Variants in THRAP3 observed in about 807,000 individuals in gnomAD.
The protein encoded by THRAP3 is thyroid hormone receptor-associated protein 3.
A neutral mutation model predicts 101.0 loss-of-function variants in THRAP3; 16 were observed. The observed-to-expected ratio is 0.16, with a 90% CI of 0.11 to 0.24. The LOEUF (loss-of-function observed/expected upper bound fraction) is 0.24. Among genes scored for constraint, THRAP3 ranks in the 10% least tolerant of loss-of-function variants. The pLI, the probability that THRAP3 is intolerant of heterozygous loss-of-function variation, is 1.00. For synonymous variants in THRAP3, 407 were observed against 422.6 expected (o/e 0.96, Z 0.45); for missense variants, 989 against 1,202.7 (o/e 0.82, Z 2.63).
At position 36,286,913 on chromosome 1, in the gene THRAP3, A is replaced by C. The variant is rs768277101; in HGVS notation, c.683A>C (p.Tyr228Ser). Reference protein sequence around the residue: ...ESSKPWPDATYGTGSASRASA... With the variant: ...ESSKPWPDATSGTGSASRASA... The stretch of plus-strand genomic sequence containing the variant: ...TCGAAGCCATGGCCAGATGCCACCT[A>C]CGGCACTGGTTCTGCATCACGGGCC... The change falls in exon 4 of 12, where the codon TAC becomes TCC. Residue 228 changes from tyrosine (Y) to serine (S), a missense_variant. Tyr to Ser is a moderately radical substitution (Grantham distance 144). Transcript: ENST00000354618. This position sits in a 1 kb window ranked among gnomAD's most constrained non-coding sequence, Gnocchi z 5.5. The C allele has an allele frequency of 3.1e-6, 5 of 1,614,178 alleles. No individual in the cohort carries two copies. The South Asian group carries it at 5.5e-5, about 18-fold the overall frequency.
At chr1:36,244,338 T>C (rs1645205575) in intron 1 of THRAP3, among the ~76,000 whole-genome samples, 1 of 152,164 alleles carries the variant, frequency 6.6e-6, no homozygotes, top group Non-Finnish European at 1.5e-5. Context: ...TTCTGAACTC[T>C]GTGTCAAATC....
At chr1:36,270,531 T>C (rs917667553) in intron 2 of THRAP3, among the ~76,000 whole-genome samples, 3 of 151,456 alleles carry the variant, frequency 2.0e-5, no homozygotes, top group African/African-American at 7.3e-5. Flanking sequence ...AAAATGGACA[T>C]GGACTCTAAA....
At chr1:36,210,726 T>C in the THRAP3 span, among the ~76,000 whole-genome samples, 21 of 1,850 alleles carry the variant, frequency 0.011, 4 homozygotes, top group African/African-American at 0.021. Flanking sequence ...TATATATATA[T>C]ATATATATAT....
intron 1 of THRAP3, among the ~76,000 whole-genome samples, chr1:36,228,038 G>A (rs1466009627): frequency 6.9e-6 from 1 of 145,142 alleles, no homozygotes; most frequent in Non-Finnish European, 1.5e-5. Flanking sequence ...ACCACACGTG[G>A]CCTCTTTTTT....
intron 1 of THRAP3, among the ~76,000 whole-genome samples, chr1:36,235,547 A>C (rs541865667): frequency 1.3e-5 from 2 of 152,296 alleles, no homozygotes; most frequent in African/African-American, 4.8e-5. Flanking sequence ...AAAACCAGAG[A>C]GATACAGATG....
intron 1 of THRAP3, among the ~76,000 whole-genome samples, chr1:36,254,600 C>A (rs1405058929): frequency 6.6e-6 from 1 of 152,118 alleles, no homozygotes; most frequent in Non-Finnish European, 1.5e-5. Flanking sequence ...GAAGGCAGTC[C>A]CTGTTGCAGC....
At chr1:36,215,697 T>C in the THRAP3 span, among the ~76,000 whole-genome samples, 2 of 152,258 alleles carry the variant, frequency 1.3e-5, no homozygotes, top group African/African-American at 4.8e-5. Context: ...AATGCATTTA[T>C]GGATGCTGAA....
chr1:36,244,268 C>T (rs1250294156), intron 1 of THRAP3, among the ~76,000 whole-genome samples: 1 of 151,960 alleles, frequency 6.6e-6, no homozygotes, highest in Admixed American at 6.6e-5. Context: ...TTTTAATTTT[C>T]TAAAGATTTC....
At chr1:36,287,555 A>G (rs998570932) in intron 4 of THRAP3, 2 of 985,364 alleles carry the variant, frequency 2.0e-6, no homozygotes, top group African/African-American at 3.5e-5. Flanking sequence ...TGTAAGCCAA[A>G]GAACAGTAGA....
intron 4 of THRAP3, chr1:36,287,964 C>CA (rs1418867927): frequency 4.1e-6 from 4 of 974,208 alleles, no homozygotes; most frequent in Non-Finnish European, 4.9e-6. Context: ...AGGTTGTGGT[C>CA]AAGAGGGACT....
intron 1 of THRAP3, among the ~76,000 whole-genome samples, chr1:36,249,357 A>G (rs561746492): frequency 1.3e-5 from 2 of 151,732 alleles, no homozygotes; most frequent in African/African-American, 4.8e-5. Context: ...ACACCTTGCT[A>G]ATTTTTTGTA....
intron 1 of THRAP3, among the ~76,000 whole-genome samples, chr1:36,249,884 G>A (rs537266743): frequency 6.7e-4 from 102 of 152,220 alleles, no homozygotes; most frequent in Admixed American, 1.2e-3. Context: ...GAGTAGAGCA[G>A]GATTGCAGTG....
chr1:36,260,821 CAA>C (rs34066117), intron 2 of THRAP3, among the ~76,000 whole-genome samples: 2 of 70,166 alleles, frequency 2.9e-5, no homozygotes, highest in Non-Finnish European at 2.8e-5. Flanking sequence ...GACTACGTCT[CAA>C]AAAAAAAAAA....
intron 4 of THRAP3, 86 bp downstream of exon 4, chr1:36,287,356 G>A: frequency 7.0e-7 from 1 of 1,438,790 alleles, no homozygotes; most frequent in Non-Finnish European, 9.2e-7. Flanking sequence ...TTAGAGCTCT[G>A]ATTAATGGTA....
intron 1 of THRAP3, among the ~76,000 whole-genome samples, chr1:36,256,647 GCTC>G: frequency 6.6e-6 from 1 of 152,140 alleles, no homozygotes; most frequent in East Asian, 1.9e-4. Context: ...ACATAATTAT[GCTC>G]CTATTTTATG....
chr1:36,291,985 A>G (rs1486509879), intron 6 of THRAP3, among the ~76,000 whole-genome samples: 1 of 152,118 alleles, frequency 6.6e-6, no homozygotes, highest in Non-Finnish European at 1.5e-5. Flanking sequence ...GGGTTGGGCC[A>G]GTTGCAGGTT....
At chr1:36,252,906 C>G (rs1433347004) in intron 1 of THRAP3, among the ~76,000 whole-genome samples, 2 of 109,744 alleles carry the variant, frequency 1.8e-5, no homozygotes, top group Admixed American at 1.0e-4. Context: ...GACTCTGTCT[C>G]AAAAAATATA....
intron 1 of THRAP3, among the ~76,000 whole-genome samples, chr1:36,228,127 A>G (rs921570242): frequency 6.7e-6 from 1 of 149,792 alleles, no homozygotes; most frequent in Non-Finnish European, 1.5e-5. Context: ...GCTCACTGCA[A>G]CCTCTGTCTT....
chr1:36,282,919 C>A (rs140441815), intron 3 of THRAP3, among the ~76,000 whole-genome samples: 13 of 152,312 alleles, frequency 8.5e-5, no homozygotes, highest in African/African-American at 2.6e-4. Context: ...CCTCTGCCAG[C>A]ACATAGTATT....
Sources: gnomAD v4.1 joint callset for allele counts (sites outside exome capture counted in the v4.1 genomes callset) on GRCh38, gnomAD v4.1.1 for gene constraint, Gnocchi (gnomAD v3.1) non-coding constraint, MANE v1.5 for transcripts, NCBI Gene and HGNC (gene_info 2026-07-23, HGNC 2026-07-21) for gene names.